The following SEMA3E variants were observed in gnomAD, a reference collection of about 807,000 sequenced individuals.
The protein encoded by SEMA3E is semaphorin 3E.
Under a neutral mutation model 93.6 loss-of-function variants are expected in SEMA3E, and 49 were observed. That is an observed-to-expected ratio of 0.52 (90% confidence interval 0.42 to 0.66). The LOEUF is 0.66. SEMA3E is among the 30% of genes least tolerant of loss of function. The probability of loss-of-function intolerance (pLI) is 0.00; values close to 1 mark genes in which losing one functional copy is unlikely to be tolerated. For synonymous variants in SEMA3E, 363 were observed against 330.7 expected (o/e 1.10, Z -1.06); for missense variants, 906 against 964.8 (o/e 0.94, Z 0.81).
intron 1 of SEMA3E, among the ~76,000 whole-genome samples, chr7:83,615,317 G>A (rs1793341838): frequency 6.6e-6 from 1 of 152,004 alleles, no homozygotes. Context: ...TACACTACAG[G>A]TGACGTTCAA....
At chr7:83,430,631 G>A (rs10266555) in intron 4 of SEMA3E, among the ~76,000 whole-genome samples, 1 of 152,034 alleles carries the variant, frequency 6.6e-6, no homozygotes, top group African/African-American at 2.4e-5. Context: ...TGAACAATGA[G>A]AACACATGGA....
rs1794649513 is a variant in SEMA3E, at chr7:83,365,271, C to A, written c.*2315G>T. On this transcript the variant is annotated 3_prime_UTR_variant, in exon 17 of 17. Coordinates refer to ENST00000643230, the MANE Select transcript of SEMA3E (RefSeq NM_012431.3). ...TCTCCCTCCCTCTTCTTTCCCATTT[C>A]TCTTCAGTACTGCCATAAACAGGCG... The A allele has an allele frequency of 6.6e-6, 1 of 152,056 alleles. No homozygotes were observed. The highest frequency in any genetic ancestry group is 6.6e-5 in the Admixed American group (1 of 15,262). The allele number at this position is 152,056 out of a possible 1,614,324, so 9.4% of individuals were successfully genotyped here. A position where few individuals can be genotyped will look rare whatever the true frequency, so the allele number is the denominator to read the frequency against.
chr7:83,592,287 A>G (rs1283775335), intron 1 of SEMA3E, among the ~76,000 whole-genome samples: 2 of 152,150 alleles, frequency 1.3e-5, no homozygotes, highest in Non-Finnish European at 2.9e-5. Context: ...AAGCTAGATA[A>G]AATGAATAAA....
intron 1 of SEMA3E, among the ~76,000 whole-genome samples, chr7:83,567,301 A>G (rs1025028902): frequency 1.3e-5 from 2 of 152,170 alleles, no homozygotes; most frequent in Non-Finnish European, 2.9e-5. Context: ...CTCTAATACA[A>G]TAAACTTTGG....
At chr7:83,587,254 G>T (rs1242094285) in intron 1 of SEMA3E, among the ~76,000 whole-genome samples, 1 of 151,996 alleles carries the variant, frequency 6.6e-6, no homozygotes, top group Non-Finnish European at 1.5e-5. Flanking sequence ...TAAGAAATTA[G>T]GTAGTGCCTC....
intron 1 of SEMA3E, among the ~76,000 whole-genome samples, chr7:83,516,752 C>T (rs1239365584): frequency 6.6e-6 from 1 of 151,992 alleles, no homozygotes; most frequent in Non-Finnish European, 1.5e-5. Flanking sequence ...GAAGTAGTAG[C>T]AGAAAATTAA....
chr7:83,570,549 T>G (rs1584337995), intron 1 of SEMA3E, among the ~76,000 whole-genome samples: 1 of 25,076 alleles, frequency 4.0e-5, no homozygotes, highest in Non-Finnish European at 5.6e-5. Context: ...CGAGACTCCG[T>G]CTCAAAAAAA....
At chr7:83,424,530 C>T (rs1214972160) in intron 4 of SEMA3E, among the ~76,000 whole-genome samples, 1 of 152,158 alleles carries the variant, frequency 6.6e-6, no homozygotes, top group Non-Finnish European at 1.5e-5. Flanking sequence ...GTAATTAAAT[C>T]CCTAACAACA....
intron 1 of SEMA3E, among the ~76,000 whole-genome samples, chr7:83,511,285 G>GTTT (rs5885362): frequency 1.1e-4 from 16 of 143,892 alleles, no homozygotes; most frequent in African/African-American, 2.6e-4. Flanking sequence ...TCTTAAATAT[G>GTTT]TTTTTTTTTT....
At chr7:83,504,428 CA>C (rs1172006976) in intron 1 of SEMA3E, among the ~76,000 whole-genome samples, 1 of 152,102 alleles carries the variant, frequency 6.6e-6, no homozygotes, top group Non-Finnish European at 1.5e-5. Flanking sequence ...AGACAATCAC[CA>C]AAATCTTATT....
At chr7:83,402,038 T>A (rs1788242350) in intron 10 of SEMA3E, among the ~76,000 whole-genome samples, 1 of 152,036 alleles carries the variant, frequency 6.6e-6, no homozygotes, top group East Asian at 1.9e-4. Context: ...CAGAGACAAG[T>A]GGTAGAACCT....
chr7:83,469,359 G>T, intron 2 of SEMA3E, 57 bp from the exon 3 acceptor site: 3 of 1,182,258 alleles, frequency 2.5e-6, no homozygotes, highest in Non-Finnish European at 2.5e-6. Flanking sequence ...AAACCACACT[G>T]AAAACCATTT....
chr7:83,389,578 T>G (rs186923144), intron 14 of SEMA3E, among the ~76,000 whole-genome samples: 1 of 151,898 alleles, frequency 6.6e-6, no homozygotes, highest in East Asian at 1.9e-4. Flanking sequence ...TATTTCAGTA[T>G]ACATATATAC....
chr7:83,512,876 C>G (rs1363684490), intron 1 of SEMA3E, among the ~76,000 whole-genome samples: 1 of 152,076 alleles, frequency 6.6e-6, no homozygotes, highest in African/African-American at 2.4e-5. Context: ...ACTCTGAATT[C>G]AAAGCTTTTC....
chr7:83,480,808 A>G (rs1392353516), intron 2 of SEMA3E, among the ~76,000 whole-genome samples: 1 of 152,180 alleles, frequency 6.6e-6, no homozygotes, highest in East Asian at 1.9e-4. Flanking sequence ...TGCTTAATGA[A>G]AGCTCCTAAC....
At chr7:83,497,065 A>G (rs1790502944) in intron 1 of SEMA3E, among the ~76,000 whole-genome samples, 1 of 152,142 alleles carries the variant, frequency 6.6e-6, no homozygotes, top group Non-Finnish European at 1.5e-5. Context: ...TAAAGAGGGA[A>G]CTAATTATTA....
intron 1 of SEMA3E, among the ~76,000 whole-genome samples, chr7:83,575,565 A>C (rs1219835389): frequency 6.6e-6 from 1 of 152,100 alleles, no homozygotes; most frequent in African/African-American, 2.4e-5. Flanking sequence ...TAATATACAA[A>C]GCTCTCACAA....
At chr7:83,645,875 T>C (rs1428359134) in intron 1 of SEMA3E, among the ~76,000 whole-genome samples, 2 of 152,024 alleles carry the variant, frequency 1.3e-5, no homozygotes, top group Admixed American at 6.6e-5. Flanking sequence ...GGACATTTTT[T>C]TTCTGAACAT....
chr7:83,563,835 T>C (rs994314378), intron 1 of SEMA3E, among the ~76,000 whole-genome samples: 4 of 152,202 alleles, frequency 2.6e-5, no homozygotes, highest in Non-Finnish European at 4.4e-5. Flanking sequence ...CTCCTGCCCA[T>C]AGGAGTCAAA....
Sources: allele counts gnomAD v4.1 joint callset (sites outside exome capture counted in the v4.1 genomes callset), GRCh38; gene constraint gnomAD v4.1.1; transcripts MANE v1.5; gene names NCBI Gene and HGNC (gene_info 2026-07-23, HGNC 2026-07-21).